The following TBC1D5 variants were observed in gnomAD, a reference collection of about 807,000 sequenced individuals.
TBC1D5 encodes the protein TBC1 domain family, member 5.
TBC1D5 carries 75 observed loss-of-function variants against 100.3 expected under a neutral mutation model. The ratio of observed to expected loss-of-function variants is 0.75; its 90% CI spans 0.62 to 0.91. The LOEUF (loss-of-function observed/expected upper bound fraction) is 0.91. Ranked by LOEUF, TBC1D5 falls within the 40% of genes least tolerant of loss-of-function variation. The pLI is 0.00. For synonymous variants in TBC1D5, 323 were observed against 325.6 expected (o/e 0.99, Z 0.09); for missense variants, 910 against 942.4 (o/e 0.97, Z 0.45).
At chr3:17,597,297 T>C (rs1263626547) in intron 2 of TBC1D5, among the ~76,000 whole-genome samples, 6 of 152,198 alleles carry the variant, frequency 3.9e-5, no homozygotes, top group Admixed American at 1.3e-4. Flanking sequence ...GTGCTTACTA[T>C]GATATTGATA....
chr3:17,735,558 C>T (rs2076897396), intron 1 of TBC1D5, among the ~76,000 whole-genome samples: 1 of 152,130 alleles, frequency 6.6e-6, no homozygotes, highest in African/African-American at 2.4e-5. Flanking sequence ...TCACAGATTC[C>T]AAGGAATGGA....
At chr3:17,317,575 G>A (rs986141449) in intron 13 of TBC1D5, among the ~76,000 whole-genome samples, 1 of 152,130 alleles carries the variant, frequency 6.6e-6, no homozygotes, top group African/African-American at 2.4e-5. Context: ...TAAATTTAAT[G>A]CCCATACAAC....
intron 2 of TBC1D5, among the ~76,000 whole-genome samples, chr3:17,588,535 A>G (rs1383231346): frequency 6.6e-6 from 1 of 151,906 alleles, no homozygotes; most frequent in Non-Finnish European, 1.5e-5. Flanking sequence ...AATTTATGTA[A>G]CATCTGTTTT....
chr3:17,249,549 A>G lies in TBC1D5; in HGVS notation c.1331+8957T>C, dbSNP rs770746344. On this transcript the variant is annotated intron_variant, in intron 16 of 21. Coordinates refer to ENST00000253692, the Ensembl canonical transcript of TBC1D5. The stretch of plus-strand genomic sequence containing the variant: ...ATGGCTTGGTGCCATCCCCTTGGTG[A>G]TAAGTGAGCTCTTGCTCTGAGTTCA... Among the ~76,000 whole-genome samples the G allele has an allele frequency of 3.3e-5, 5 of 152,166 alleles. No individual in the cohort carries two copies. The East Asian group carries it at 7.7e-4, about 23-fold the overall frequency.
At position 17,635,585 on chromosome 3, in the gene TBC1D5, C is replaced by T. The variant is rs148110741; in HGVS notation, c.-100-11672G>A. Among the ~76,000 whole-genome samples, 155 of 152,028 alleles carry T rather than the reference C, an allele frequency of 1.0e-3. 2 individuals are homozygous for T. The highest frequency in any genetic ancestry group is 3.5e-3 in the African/African-American group (144 of 41,442). On this transcript the variant is annotated intron_variant, in intron 1 of 21. Coordinates refer to ENST00000253692, the Ensembl canonical transcript of TBC1D5. ...ATCCCAGCCACTTGAGAGGGTGAGGCAGGAAAACTGCTTGAACCTGGAAGG... is the reference window on the plus strand; with the variant it reads ...ATCCCAGCCACTTGAGAGGGTGAGGTAGGAAAACTGCTTGAACCTGGAAGG...
At position 17,239,109 on chromosome 3, in the gene TBC1D5, C is replaced by T. The variant is rs180760086; in HGVS notation, c.1332-690G>A. On this transcript the variant is annotated intron_variant, in intron 16 of 21. Coordinates refer to ENST00000253692, the Ensembl canonical transcript of TBC1D5. ...TTATCATTTGTTCACTTCTTCCAATCCCCATTCAAATACAAGTTTCATGAG... is the reference window on the plus strand; with the variant it reads ...TTATCATTTGTTCACTTCTTCCAATTCCCATTCAAATACAAGTTTCATGAG... Among the ~76,000 whole-genome samples, 8 of 152,252 alleles carry T rather than the reference C, an allele frequency of 5.3e-5. No individual in the cohort carries two copies. In the East Asian group the frequency reaches 1.5e-3, roughly 29 times the overall value.
chr3:17,715,532 T>A (rs9681893), intron 1 of TBC1D5, among the ~76,000 whole-genome samples: 79,144 of 152,042 alleles, frequency 0.52, 22,262 homozygotes, highest in East Asian at 0.98. Flanking sequence ...AGGCCAGGCA[T>A]GGTGGCTCAC....
At chr3:17,580,583 C>G (rs1171950450) in intron 2 of TBC1D5, among the ~76,000 whole-genome samples, 1 of 152,148 alleles carries the variant, frequency 6.6e-6, no homozygotes, top group African/African-American at 2.4e-5. Context: ...ATTTTCCACT[C>G]TTTCTTGCAT....
At chr3:17,311,112 A>G (rs1454308209) in intron 13 of TBC1D5, among the ~76,000 whole-genome samples, 1 of 152,050 alleles carries the variant, frequency 6.6e-6, no homozygotes, top group African/African-American at 2.4e-5. Context: ...CTAAGAAATG[A>G]GGTCTTGTAA....
intron 15 of TBC1D5, among the ~76,000 whole-genome samples, chr3:17,266,531 TA>T (rs1559517413): frequency 6.6e-6 from 1 of 152,174 alleles, no homozygotes; most frequent in African/African-American, 2.4e-5. Context: ...CACTTTTCTT[TA>T]ACAGCCTTAC....
At chr3:17,552,283 C>T (rs1476025758) in intron 2 of TBC1D5, among the ~76,000 whole-genome samples, 2 of 152,022 alleles carry the variant, frequency 1.3e-5, no homozygotes, top group African/African-American at 4.8e-5. Context: ...AAGCTCCCTC[C>T]TGTTAGAGAC....
chr3:17,534,702 T>C (rs2096266366), intron 2 of TBC1D5, among the ~76,000 whole-genome samples: 1 of 152,212 alleles, frequency 6.6e-6, no homozygotes, highest in Non-Finnish European at 1.5e-5. Flanking sequence ...AAATTAACTA[T>C]GTATCTCAAA....
chr3:17,649,236 C>G (rs932139556), intron 1 of TBC1D5, among the ~76,000 whole-genome samples: 1 of 152,100 alleles, frequency 6.6e-6, no homozygotes, highest in African/African-American at 2.4e-5. Flanking sequence ...AACAGAAAAC[C>G]AAATACCCCA....
chr3:17,736,613 C>T (rs930011196), intron 1 of TBC1D5, among the ~76,000 whole-genome samples: 4 of 152,160 alleles, frequency 2.6e-5, no homozygotes, highest in Non-Finnish European at 4.4e-5. Flanking sequence ...GCAATCAATC[C>T]ACTATCCCAT....
At chr3:17,391,562 C>CAAA (rs375183258) in intron 8 of TBC1D5, among the ~76,000 whole-genome samples, 9 of 141,592 alleles carry the variant, frequency 6.4e-5, no homozygotes, top group African/African-American at 2.3e-4. Context: ...GGTGCTGTTT[C>CAAA]AAAAAAAAAA....
chr3:17,365,848 CTG>C (rs1247371794), intron 13 of TBC1D5, among the ~76,000 whole-genome samples: 1 of 152,214 alleles, frequency 6.6e-6, no homozygotes. Flanking sequence ...TCAAATTAAA[CTG>C]TGAATATTAG....
intron 2 of TBC1D5, among the ~76,000 whole-genome samples, chr3:17,514,735 CA>C (rs2095960875): frequency 6.6e-6 from 1 of 151,956 alleles, no homozygotes; most frequent in South Asian, 2.1e-4. Context: ...CCACATAAAC[CA>C]AGAGAAAACT....
chr3:17,542,178 T>C (rs73160937), intron 2 of TBC1D5, among the ~76,000 whole-genome samples: 9,265 of 152,066 alleles, frequency 0.061, 553 homozygotes, highest in African/African-American at 0.15. Flanking sequence ...TAGTCTCAGC[T>C]ACTTGGGAAG....
chr3:17,407,482 T>A (rs2093802310), intron 4 of TBC1D5, among the ~76,000 whole-genome samples: 1 of 152,120 alleles, frequency 6.6e-6, no homozygotes, highest in Non-Finnish European at 1.5e-5. Flanking sequence ...GACGGCAATA[T>A]CTTAAGAGAG....
Sources: allele counts gnomAD v4.1 joint callset (sites outside exome capture counted in the v4.1 genomes callset), GRCh38; gene constraint gnomAD v4.1.1; transcripts MANE v1.5; gene names NCBI Gene and HGNC (gene_info 2026-07-23, HGNC 2026-07-21).